GALNT13: variants seen among roughly 807,000 people sequenced by gnomAD.
The protein encoded by GALNT13 is UDP-GalNAc:polypeptide N-acetylgalactosaminyltransferase 13.
A neutral mutation model predicts 64.2 loss-of-function variants in GALNT13; 28 were observed. The ratio of observed to expected loss-of-function variants is 0.44; its 90% CI spans 0.32 to 0.60. The LOEUF is 0.60. Ranked by LOEUF, GALNT13 falls within the 20% of genes least tolerant of loss-of-function variation. The pLI, the probability that GALNT13 is intolerant of heterozygous loss-of-function variation, is 0.05. For synonymous variants in GALNT13, 214 were observed against 224.6 expected (o/e 0.95, Z 0.42); for missense variants, 577 against 669.8 (o/e 0.86, Z 1.53).
chr2:153,876,585 G>C (rs1242368719), intron 1 of GALNT13, among the ~76,000 whole-genome samples: 9 of 151,964 alleles, frequency 5.9e-5, no homozygotes, highest in Non-Finnish European at 1.3e-4. Context: ...GTTTCTTCTT[G>C]ATTTCATATT....
intron 8 of GALNT13, among the ~76,000 whole-genome samples, chr2:154,262,216 A>G (rs1690735635): frequency 6.6e-6 from 1 of 152,166 alleles, no homozygotes; most frequent in African/African-American, 2.4e-5. Context: ...AATAGCTAAG[A>G]GTTGACCCGC....
chr2:153,815,120 C>G, the GALNT13 span, among the ~76,000 whole-genome samples: 1 of 152,136 alleles, frequency 6.6e-6, no homozygotes, highest in Non-Finnish European at 1.5e-5. Context: ...TCATTGTTTC[C>G]AAACCCTCTG....
chr2:153,793,979 G>T, the GALNT13 span, among the ~76,000 whole-genome samples: 5 of 152,072 alleles, frequency 3.3e-5, no homozygotes, highest in Non-Finnish European at 7.4e-5. Context: ...ACAGTATGTT[G>T]TAACACCTCT....
chr2:153,154,388 T>TAAAGAGTTATAAGTCTTATAAAGAGTTA, the GALNT13 span, among the ~76,000 whole-genome samples: 1 of 152,176 alleles, frequency 6.6e-6, no homozygotes, highest in South Asian at 2.1e-4. Context: ...TGTGAGTCCA[T>TAAAGAGTTATAAGTCTTATAAAGAGTTA]TAAGTCTCTT....
At position 154,072,230 on chromosome 2, in the gene GALNT13, G is replaced by A. The variant is rs367829418; in HGVS notation, c.143-68107G>A. On this transcript the variant is annotated intron_variant, in intron 3 of 12. Coordinates refer to ENST00000392825, the MANE Select transcript of GALNT13 (RefSeq NM_052917.4). ...AAGAAATTTATGCTCATGTTATTCA[G>A]GATTTTAAAGATGCTATGCTAAATC... Among the ~76,000 whole-genome samples, 19 of 152,158 alleles carry A rather than the reference G, an allele frequency of 1.2e-4. No individual in the cohort carries two copies. In the East Asian group the frequency reaches 3.7e-3, roughly 29 times the overall value.
chr2:153,628,004 G>A, the GALNT13 span, among the ~76,000 whole-genome samples: 427 of 152,212 alleles, frequency 2.8e-3, 9 homozygotes, highest in Admixed American at 0.023. Context: ...TCTTCCATTT[G>A]TTTGTATACT....
the GALNT13 span, among the ~76,000 whole-genome samples, chr2:153,631,100 G>A: frequency 2.0e-5 from 3 of 151,774 alleles, no homozygotes; most frequent in Non-Finnish European, 4.4e-5. Context: ...TGAGAATGAT[G>A]GTTTCCAGCT....
chr2:154,162,553 AC>A (rs2105670102), intron 4 of GALNT13, among the ~76,000 whole-genome samples: 1 of 152,344 alleles, frequency 6.6e-6, no homozygotes, highest in Admixed American at 6.5e-5. Flanking sequence ...GGAACACAAC[AC>A]CATGTCTTCA....
At chr2:154,322,096 A>G (rs1694651970) in intron 9 of GALNT13, among the ~76,000 whole-genome samples, 1 of 151,146 alleles carries the variant, frequency 6.6e-6, no homozygotes, top group Non-Finnish European at 1.5e-5. Flanking sequence ...TAAAGGCAAG[A>G]AAGTAACTTG....
At chr2:153,833,943 C>T in the GALNT13 span, among the ~76,000 whole-genome samples, 1 of 152,114 alleles carries the variant, frequency 6.6e-6, no homozygotes, top group African/African-American at 2.4e-5. Flanking sequence ...GACAGCCATA[C>T]CTTTCAGTCT....
At chr2:153,936,419 T>C (rs1191049462) in intron 2 of GALNT13, among the ~76,000 whole-genome samples, 1 of 152,148 alleles carries the variant, frequency 6.6e-6, no homozygotes, top group Non-Finnish European at 1.5e-5. Context: ...TGGCACAACA[T>C]TGCCAGACTG....
the GALNT13 span, among the ~76,000 whole-genome samples, chr2:153,783,645 C>T: frequency 1.3e-5 from 2 of 152,112 alleles, no homozygotes; most frequent in Admixed American, 1.3e-4. Flanking sequence ...TAATAATCCC[C>T]ATGTGTCAAG....
In GALNT13 at chr2:154,287,518, G is replaced by T. The variant is rs1207642647; in HGVS notation, c.976-13891G>T. The T allele has an allele frequency of 5.4e-5, 14 of 258,276 alleles. No individual in the cohort carries two copies. The Admixed American group carries it at 6.2e-4, about 11-fold the overall frequency. The allele number at this position is 258,276 out of a possible 1,614,324, so 16.0% of individuals were successfully genotyped here. A position where few individuals can be genotyped will look rare whatever the true frequency, so the allele number is the denominator to read the frequency against. ...CTTTTGCCCCCACCCCAGATTGGAT[G>T]ATTTCCAAATGACCTGTTTTCTAGT... On this transcript the variant is annotated intron_variant, in intron 8 of 12. Coordinates refer to ENST00000392825, the MANE Select transcript of GALNT13 (RefSeq NM_052917.4).
intron 4 of GALNT13, among the ~76,000 whole-genome samples, chr2:154,179,942 C>A (rs1444806508): frequency 4.6e-5 from 7 of 151,964 alleles, no homozygotes; most frequent in Admixed American, 4.6e-4. Context: ...GTTTTGGACA[C>A]ACGTTTCTCT....
intron 4 of GALNT13, among the ~76,000 whole-genome samples, chr2:154,173,964 T>A (rs887025967): frequency 6.6e-6 from 1 of 152,142 alleles, no homozygotes; most frequent in South Asian, 2.1e-4. Flanking sequence ...GTACAGCCAC[T>A]GTAGACGATA....
chr2:153,463,526 C>T, the GALNT13 span, among the ~76,000 whole-genome samples: 2 of 152,132 alleles, frequency 1.3e-5, no homozygotes, highest in Admixed American at 6.6e-5. Context: ...CCTGCAGAAC[C>T]CCTCAATCCC....
At chr2:153,180,993 A>C in the GALNT13 span, among the ~76,000 whole-genome samples, 2 of 96,484 alleles carry the variant, frequency 2.1e-5, no homozygotes, top group Non-Finnish European at 4.6e-5. Flanking sequence ...TTATTTTCCT[A>C]GTCTCTATTT....
At chr2:153,356,793 T>C in the GALNT13 span, among the ~76,000 whole-genome samples, 925 of 124,318 alleles carry the variant, frequency 7.4e-3, 132 homozygotes, top group African/African-American at 0.025. Context: ...CTTCCTCTTT[T>C]TTTTTTTTTT....
the GALNT13 span, among the ~76,000 whole-genome samples, chr2:153,204,464 A>G: frequency 1.3e-5 from 2 of 152,078 alleles, no homozygotes; most frequent in Non-Finnish European, 2.9e-5. Context: ...CAGCTTTTTT[A>G]GTTATACTTA....
Sources: allele counts gnomAD v4.1 joint callset (sites outside exome capture counted in the v4.1 genomes callset), GRCh38; gene constraint gnomAD v4.1.1; transcripts MANE v1.5; gene names NCBI Gene and HGNC (gene_info 2026-07-23, HGNC 2026-07-21).